Variants in BPI observed in about 807,000 individuals in gnomAD.
The protein encoded by BPI is bactericidal permeability increasing protein, also known as bactericidal permeability-increasing protein.
A neutral mutation model predicts 57.6 loss-of-function variants in BPI; 48 were observed. The observed-to-expected ratio is 0.83, with a 90% CI of 0.66 to 1.06. The LOEUF (loss-of-function observed/expected upper bound fraction) is 1.06. Ranked by LOEUF, BPI falls within the 50% of genes least tolerant of loss-of-function variation. The pLI, the probability that BPI is intolerant of heterozygous loss-of-function variation, is 0.00. For missense variants in BPI, 651 were observed against 609.7 expected (o/e 1.07, Z -0.71); for synonymous variants, 237 against 238.2 (o/e 0.99, Z 0.05).
chr20:38,318,396 T>C lies in BPI; in HGVS notation c.601-17T>C, dbSNP rs2076663196. The C allele has an allele frequency of 1.2e-6, 2 of 1,607,782 alleles. No individual in the cohort carries two copies. On this transcript the variant is annotated splice_polypyrimidine_tract_variant and intron_variant, in intron 5 of 14. Coordinates refer to ENST00000642449, the MANE Select transcript of BPI (RefSeq NM_001725.3). ...CTATGGGAAGACCTTACTGATTACTTGTTTGGTTCTCCCCAGGTCTGCGAG... is the reference window on the plus strand; with the variant it reads ...CTATGGGAAGACCTTACTGATTACTCGTTTGGTTCTCCCCAGGTCTGCGAG...
chr20:38,329,462 G>A (rs778009172), intron 11 of BPI, among the ~76,000 whole-genome samples: 29 of 152,208 alleles, frequency 1.9e-4, no homozygotes, highest in Admixed American at 1.6e-3. Flanking sequence ...CTTCAGAAAC[G>A]TATAGATTTA....
Position 38,326,287 on chromosome 20 carries a change from T to A in BPI, c.1016T>A (p.Met339Lys), listed in dbSNP as rs1213181375. ...LPEVAKKFPNMKIQIHVSAST... is the reference protein window; with the variant it reads ...LPEVAKKFPNKKIQIHVSAST... ...CAGGTGGCCAAGAAGTTTCCCAACA[T>A]GAAGATACAGATCCATGTCTCAGCC... Residue 339 changes from methionine to lysine, a missense_variant, in exon 10 of 15, where the codon ATG becomes AAG. Met to Lys is a moderately conservative substitution (Grantham distance 95). Coordinates refer to ENST00000642449, the MANE Select transcript of BPI (RefSeq NM_001725.3). 1.1e-5 allele frequency: 17 copies of A among 1,613,294 alleles called. No individual in the cohort carries two copies. Among genetic ancestry groups the A allele is most frequent in the Non-Finnish European group, 1.4e-5 (16 of 1,179,690 alleles).
chr20:38,324,103 C>A (rs1484902459), intron 8 of BPI, 57 bp downstream of exon 8: 3 of 1,565,956 alleles, frequency 1.9e-6, no homozygotes, highest in Non-Finnish European at 2.6e-6. Context: ...ATCCTGCAGA[C>A]CTTCCAGACA....
intron 5 of BPI, among the ~76,000 whole-genome samples, chr20:38,314,792 A>G (rs1216465654): frequency 7.1e-6 from 1 of 140,428 alleles, no homozygotes; most frequent in Non-Finnish European, 1.5e-5. Context: ...TGATGGTGGT[A>G]TGGTGAGATT....
In BPI at chr20:38,324,681, T is replaced by C. The variant is rs980285090; in HGVS notation, c.934-93T>C. ...ATAGGGGCTGGCCACTGTCTGTGTG[T>C]GCAGTCAGCCTCTCACCCCGATACA... On this transcript the variant is annotated intron_variant, in intron 8 of 14. Transcript: ENST00000642449. The C allele has an allele frequency of 1.2e-5, 12 of 1,021,494 alleles. No homozygotes were observed. In the African/African-American group the frequency reaches 1.9e-4, roughly 16 times the overall value. 63.3% of individuals were successfully genotyped at this position (1,021,494 alleles called of 1,614,324 possible). A position where few individuals can be genotyped will look rare whatever the true frequency, so the allele number is the denominator to read the frequency against.
intron 4 of BPI, among the ~76,000 whole-genome samples, chr20:38,310,949 A>G (rs2076619079): frequency 6.6e-6 from 1 of 152,252 alleles, no homozygotes; most frequent in African/African-American, 2.4e-5. Context: ...ACAAATCTGT[A>G]GGCATTCATC....
Position 38,335,681 on chromosome 20 carries a change from C to T in BPI, c.1413+7C>T, listed in dbSNP as rs755294807. The stretch of plus-strand genomic sequence containing the variant: ...AGTGCTTCAGCCTCACCAGGTGAGT[C>T]CCGGAGTCTTTTCCACAAATCTCCC... On this transcript the variant is annotated splice_region_variant and intron_variant, in intron 14 of 14. Coordinates refer to ENST00000642449, the MANE Select transcript of BPI (RefSeq NM_001725.3). 6 of 1,613,694 alleles carry T rather than the reference C, an allele frequency of 3.7e-6. No homozygotes were observed. In the South Asian group the frequency reaches 5.5e-5, roughly 15 times the overall value.
intron 6 of BPI, 146 bp downstream of exon 6, chr20:38,318,622 AG>A (rs1447337393): frequency 1.2e-6 from 1 of 864,506 alleles, no homozygotes; most frequent in Non-Finnish European, 1.9e-6. Context: ...TATTTTCAAG[AG>A]GCAGCTAGCA....
At chr20:38,309,159 A>G (rs1600698364) in intron 3 of BPI, 101 bp downstream of exon 3, 2 of 1,533,374 alleles carry the variant, frequency 1.3e-6, no homozygotes, top group Non-Finnish European at 1.8e-6. Context: ...TGCCTTGCCT[A>G]TTACCACCTA....
intron 11 of BPI, among the ~76,000 whole-genome samples, chr20:38,329,229 G>A (rs993459555): frequency 6.6e-6 from 1 of 152,110 alleles, no homozygotes; most frequent in South Asian, 2.1e-4. Context: ...GGGGGGCAGA[G>A]AGAAAGAGAC....
In BPI at chr20:38,328,605, A is replaced by AGATGAGG. The variant is rs1555840321; in HGVS notation, c.1229+950_1229+951insGATGAGG. On this transcript the variant is annotated intron_variant, in intron 11 of 14. Coordinates refer to ENST00000642449, the MANE Select transcript of BPI (RefSeq NM_001725.3). The stretch of plus-strand genomic sequence containing the variant: ...TTGCCAACAGCATTATTGTGAGCTG[A>AGATGAGG]AATGAGGTATTAATATGTGTTGAAG... Among the ~76,000 whole-genome samples, 742 of 152,170 alleles carry AGATGAGG rather than the reference A, an allele frequency of 4.9e-3. 4 individuals are homozygous for AGATGAGG. Among genetic ancestry groups the AGATGAGG allele is most frequent in the African/African-American group, 0.017 (712 of 41,506 alleles).
chr20:38,320,839 A>G (rs902443362), intron 7 of BPI, among the ~76,000 whole-genome samples: 13 of 120,422 alleles, frequency 1.1e-4, no homozygotes, highest in African/African-American at 4.2e-4. Context: ...GGGTGGATGG[A>G]TGGATGGATT....
At chr20:38,318,715 C>T (rs1165055198) in intron 6 of BPI, among the ~76,000 whole-genome samples, 1 of 152,162 alleles carries the variant, frequency 6.6e-6, no homozygotes, top group Non-Finnish European at 1.5e-5. Flanking sequence ...TCTGCAAGGG[C>T]CAAACAACAA....
At chr20:38,316,054 A>C (rs1036317376) in intron 5 of BPI, among the ~76,000 whole-genome samples, 1 of 151,814 alleles carries the variant, frequency 6.6e-6, no homozygotes, top group Non-Finnish European at 1.5e-5. Flanking sequence ...GGCTGGTCTC[A>C]AACTCCTGAC....
intron 2 of BPI, among the ~76,000 whole-genome samples, chr20:38,307,904 G>A (rs1232042485): frequency 2.0e-5 from 3 of 152,288 alleles, no homozygotes; most frequent in East Asian, 3.9e-4. Flanking sequence ...CAAACTCTGC[G>A]CCATATGTCA....
chr20:38,305,452 C>G (rs546784000), intron 1 of BPI, among the ~76,000 whole-genome samples: 1 of 152,202 alleles, frequency 6.6e-6, no homozygotes, highest in Non-Finnish European at 1.5e-5. Flanking sequence ...CCTCCCCTGG[C>G]TCACATTCTC....
chr20:38,309,180 G>A (rs934746782), intron 3 of BPI, 122 bp downstream of exon 3: 58 of 1,381,306 alleles, frequency 4.2e-5, no homozygotes, highest in East Asian at 1.2e-4. Context: ...TAGCCACAGC[G>A]TTCCTCAGGA....
At chr20:38,326,897 A>G (rs2076716200) in intron 10 of BPI, among the ~76,000 whole-genome samples, 2 of 152,186 alleles carry the variant, frequency 1.3e-5, no homozygotes, top group African/African-American at 4.8e-5. Context: ...ACCTTTGTTC[A>G]ATTGATCATT....
At chr20:38,319,966 C>T (rs2076672671) in intron 6 of BPI, 4 of 571,352 alleles carry the variant, frequency 7.0e-6, no homozygotes, top group East Asian at 5.8e-5. Context: ...CATCTCAGGG[C>T]TGTTGGAAGA....
Sources: allele counts gnomAD v4.1 joint callset (sites outside exome capture counted in the v4.1 genomes callset), GRCh38; gene constraint gnomAD v4.1.1; transcripts MANE v1.5; gene names NCBI Gene and HGNC (gene_info 2026-07-23, HGNC 2026-07-21).